The following NAA16 variants were observed in gnomAD, a reference collection of about 807,000 sequenced individuals.
NAA16 encodes the protein NARG1-like protein.
NAA16 carries 97 observed loss-of-function variants against 110.3 expected under a neutral mutation model. The ratio of observed to expected loss-of-function variants is 0.88; its 90% CI spans 0.75 to 1.04. The LOEUF is 1.04. Among genes scored for constraint, NAA16 ranks in the 50% least tolerant of loss-of-function variants. NAA16 has a pLI of 0.00. For missense variants in NAA16, 1,017 were observed against 1,005.1 expected (o/e 1.01, Z -0.16); for synonymous variants, 372 against 330.6 (o/e 1.13, Z -1.36).
intron 16 of NAA16, 165 bp from the exon 17 acceptor site, chr13:41,372,567 A>T: frequency 2.0e-6 from 2 of 985,386 alleles, no homozygotes; most frequent in Non-Finnish European, 2.4e-6. Context: ...GCTTTTCTTT[A>T]GAAAGCCATA....
chr13:41,316,329 CAG>C (rs1417211309), intron 1 of NAA16, among the ~76,000 whole-genome samples: 31 of 140,738 alleles, frequency 2.2e-4, no homozygotes, highest in African/African-American at 7.6e-4. Flanking sequence ...TTTTTTGAGA[CAG>C]AGTCTCGCTC....
chr13:41,375,002 T>C (rs1177156808), intron 19 of NAA16, among the ~76,000 whole-genome samples, 163 bp downstream of exon 19: 1 of 152,212 alleles, frequency 6.6e-6, no homozygotes, highest in East Asian at 1.9e-4. Context: ...GTCTCTTAGC[T>C]TCTTTTTCCT....
chr13:41,329,144 G>A (rs529617098), intron 7 of NAA16, among the ~76,000 whole-genome samples: 1 of 151,942 alleles, frequency 6.6e-6, no homozygotes, highest in East Asian at 1.9e-4. Context: ...TAGGGACATG[G>A]GAAAGAAAAT....
At chr13:41,369,800 G>T (rs754614071) in intron 15 of NAA16, among the ~76,000 whole-genome samples, 138 of 152,146 alleles carry the variant, frequency 9.1e-4, no homozygotes, top group Non-Finnish European at 8.4e-4. Flanking sequence ...GGCTGAAAAA[G>T]GCATTGAACG....
chr13:41,343,754 TG>T (rs1242722001), intron 9 of NAA16, among the ~76,000 whole-genome samples: 1 of 152,260 alleles, frequency 6.6e-6, no homozygotes. Flanking sequence ...TTGCCCAGGC[TG>T]GTCTCGAACT....
chr13:41,373,883 A>G, intron 18 of NAA16, 103 bp downstream of exon 18: 3 of 1,406,578 alleles, frequency 2.1e-6, no homozygotes, highest in Non-Finnish European at 2.8e-6. Context: ...TACTGTGTGT[A>G]AGTATGGGGA....
At position 41,328,803 on chromosome 13, in the gene NAA16, T is replaced by G. The variant is rs3812896; in HGVS notation, c.771T>G (p.Asn257Lys). The G allele has an allele frequency of 1.2e-6, 2 of 1,606,664 alleles. No individual in the cohort carries two copies. The highest frequency in any genetic ancestry group is 1.7e-6 in the Non-Finnish European group (2 of 1,173,872). Residue 257 changes from asparagine (N) to lysine (K), a missense_variant, in exon 7 of 20, where the codon AAT (asparagine) becomes AAG (lysine). Asn to Lys is a moderately conservative substitution (Grantham distance 94). Transcript: ENST00000379406. The stretch of plus-strand genomic sequence containing the variant: ...ACTTGATTGATCGAAATGCAGAAAA[T>G]TGGTGTTATTATGAAGGCTTGGAAA... Reference protein sequence around the residue: ...FKNLIDRNAENWCYYEGLEKA... With the variant: ...FKNLIDRNAEKWCYYEGLEKA...
chr13:41,345,170 G>A (rs1267407846), intron 9 of NAA16, among the ~76,000 whole-genome samples: 1 of 152,120 alleles, frequency 6.6e-6, no homozygotes, highest in Admixed American at 6.6e-5. Flanking sequence ...AAGTTTTTGT[G>A]TAGACATGCT....
At position 41,311,967 on chromosome 13, in the gene NAA16, C is replaced by T. The variant is rs577428301; in HGVS notation, c.54+385C>T. 1.2e-4 allele frequency among the ~76,000 whole-genome samples: 18 copies of T among 152,356 alleles called. No individual in the cohort carries two copies. The East Asian group carries it at 3.3e-3, about 28-fold the overall frequency. On this transcript the variant is annotated intron_variant, in intron 1 of 19. Coordinates refer to ENST00000379406, the MANE Select transcript of NAA16 (RefSeq NM_024561.5). ...CCGGTGGTTTATTTTGCCAGTCTCT[C>T]CTCGGCTAGGTGTTTTGCGTTCTGC...
chr13:41,323,184 T>C lies in NAA16; in HGVS notation c.531T>C (p.Thr177=). The C allele has an allele frequency of 6.2e-7, 1 of 1,613,342 alleles. No individual in the cohort carries two copies. The highest frequency in any genetic ancestry group is 8.5e-7 in the Non-Finnish European group (1 of 1,179,686). ...ALKLLEEFRQ[T]QQVPPNKIDY... ...AACTGTTGGAAGAATTTAGACAAAC[T>C]CAGCAAGTAAGAATTTTAATGTTTC... Residue 177 remains threonine, a synonymous_variant, in exon 5 of 20, where the codon ACT becomes ACC. Coordinates refer to ENST00000379406, the MANE Select transcript of NAA16 (RefSeq NM_024561.5).
At chr13:41,358,518 A>G (rs746767837) in intron 11 of NAA16, 45 bp downstream of exon 11, 23 of 1,604,580 alleles carry the variant, frequency 1.4e-5, no homozygotes, top group Non-Finnish European at 1.7e-5. Context: ...GAATTCAGCT[A>G]CTTTAAGAAT....
chr13:41,362,918 C>G, intron 13 of NAA16: 1 of 1,125,238 alleles, frequency 8.9e-7, no homozygotes, highest in South Asian at 2.0e-5. Context: ...GGCCTTTTTC[C>G]CACGTGAAAT....
At chr13:41,342,126 C>T (rs1241213299) in intron 9 of NAA16, among the ~76,000 whole-genome samples, 6 of 147,700 alleles carry the variant, frequency 4.1e-5, no homozygotes, top group African/African-American at 1.0e-4. Context: ...GCCACCGCAC[C>T]GGGCCTCTCT....
chr13:41,337,529 C>T (rs1234121168), intron 9 of NAA16, among the ~76,000 whole-genome samples: 5 of 124,294 alleles, frequency 4.0e-5, no homozygotes, highest in Admixed American at 1.9e-4. Flanking sequence ...AGTGACAGAG[C>T]GAGACTCCGT....
At chr13:41,360,544 A>G (rs2043091313) in intron 12 of NAA16, among the ~76,000 whole-genome samples, 1 of 152,194 alleles carries the variant, frequency 6.6e-6, no homozygotes, top group African/African-American at 2.4e-5. Flanking sequence ...AATAGTCACC[A>G]AAATCTGTGG....
rs1016279961 is a variant in NAA16, at chr13:41,334,908, C to A, written c.908-1742C>A. On this transcript the variant is annotated intron_variant, in intron 8 of 19. Transcript: ENST00000379406. The stretch of plus-strand genomic sequence containing the variant: ...GTGTGGGAGATTTGTTTAAGGTCAC[C>A]CCCCCCACTGTGCTTTTTGCAAAAG... Among the ~76,000 whole-genome samples the A allele has an allele frequency of 7.5e-3, 5 of 666 alleles. No individual in the cohort carries two copies. The African/African-American group carries it at 0.12, about 16-fold the overall frequency. The allele number at this position is 666 out of a possible 152,430, so 0.4% of individuals were successfully genotyped here.
At chr13:41,352,764 A>T (rs914089634) in intron 9 of NAA16, among the ~76,000 whole-genome samples, 4 of 152,156 alleles carry the variant, frequency 2.6e-5, no homozygotes, top group Non-Finnish European at 5.9e-5. Flanking sequence ...ATATCCTATG[A>T]ATTTTCCATT....
At chr13:41,374,954 T>C in intron 19 of NAA16, 115 bp downstream of exon 19, 1 of 657,928 alleles carries the variant, frequency 1.5e-6, no homozygotes, top group Non-Finnish European at 2.7e-6. Context: ...TAATCCCAGC[T>C]CTATCAATTA....
At chr13:41,356,188 C>T (rs933927664) in intron 10 of NAA16, among the ~76,000 whole-genome samples, 4 of 152,006 alleles carry the variant, frequency 2.6e-5, no homozygotes, top group South Asian at 2.1e-4. Flanking sequence ...CGCGCACACG[C>T]GGGGGTTTGG....
Sources: allele counts gnomAD v4.1 joint callset (sites outside exome capture counted in the v4.1 genomes callset), GRCh38; gene constraint gnomAD v4.1.1; transcripts MANE v1.5; gene names NCBI Gene and HGNC (gene_info 2026-07-23, HGNC 2026-07-21).